The following USP49 variants were observed in gnomAD, a reference collection of about 807,000 sequenced individuals.
USP49 encodes the protein ubiquitin specific peptidase 49.
Under a neutral mutation model 58.6 loss-of-function variants are expected in USP49, and 24 were observed. That is an observed-to-expected ratio of 0.41 (90% CI 0.30 to 0.58). USP49 has a LOEUF of 0.58. Ranked by LOEUF, USP49 falls within the 20% of genes least tolerant of loss-of-function variation. The pLI is 0.30. For missense variants in USP49, 703 were observed against 866.1 expected (o/e 0.81, Z 2.36); for synonymous variants, 408 against 365.1 (o/e 1.12, Z -1.34).
At chr6:41,864,726 T>C (rs1774280736) in intron 3 of USP49, among the ~76,000 whole-genome samples, 1 of 152,192 alleles carries the variant, frequency 6.6e-6, no homozygotes, top group Non-Finnish European at 1.5e-5. Flanking sequence ...TCTTTTTCCA[T>C]TAATATTCTA....
intron 2 of USP49, among the ~76,000 whole-genome samples, chr6:41,875,247 G>A (rs1014409254): frequency 6.6e-6 from 1 of 151,640 alleles, no homozygotes; most frequent in African/African-American, 2.4e-5. Context: ...TATTTTATAT[G>A]TTTTAAAGTT....
chr6:41,823,965 C>G (rs1773494577), intron 3 of USP49, among the ~76,000 whole-genome samples: 1 of 152,142 alleles, frequency 6.6e-6, no homozygotes, highest in South Asian at 2.1e-4. Flanking sequence ...CTATAAGCCT[C>G]AGTTTCTTAC....
At chr6:41,799,465 C>A (rs1249528336) in intron 6 of USP49, among the ~76,000 whole-genome samples, 3 of 152,188 alleles carry the variant, frequency 2.0e-5, no homozygotes, top group Non-Finnish European at 4.4e-5. Context: ...CCTAAACAAG[C>A]AATTCAAGCA....
chr6:41,839,404 C>CAAAAAA lies in USP49; in HGVS notation c.-29+32154_-29+32159dup, dbSNP rs538220746. ...TGGACAATAGAGCCAGGCCTTGTCT[C>CAAAAAA]AAAAAAAAAAAAAAAAAAAAAAAAA... On this transcript the variant is annotated intron_variant, in intron 3 of 7. Transcript: ENST00000682992. 2.6e-3 allele frequency among the ~76,000 whole-genome samples: 57 copies of CAAAAAA among 22,254 alleles called. 9 individuals carry two copies. Among genetic ancestry groups the CAAAAAA allele is most frequent in the Admixed American group, 3.5e-3 (4 of 1,140 alleles). The allele number at this position is 22,254 out of a possible 152,430, so 14.6% of individuals were successfully genotyped here. A position where few individuals can be genotyped will look rare whatever the true frequency, so the allele number is the denominator to read the frequency against.
intron 7 of USP49, chr6:41,798,478 G>A (rs1226406994): frequency 1.2e-5 from 13 of 1,105,802 alleles, no homozygotes; most frequent in Non-Finnish European, 1.5e-5. Context: ...GTTTAACCAT[G>A]TTGGCCAGGC....
chr6:41,833,995 A>G (rs187466997), intron 3 of USP49, among the ~76,000 whole-genome samples: 25 of 152,364 alleles, frequency 1.6e-4, no homozygotes, highest in African/African-American at 5.3e-4. Context: ...ACTTTGTTTA[A>G]AACTTTAAAC....
chr6:41,825,565 A>T (rs17706398), intron 3 of USP49, among the ~76,000 whole-genome samples: 1 of 152,192 alleles, frequency 6.6e-6, no homozygotes, highest in Non-Finnish European at 1.5e-5. Context: ...TGAAATTATT[A>T]TATCAGTGAG....
chr6:41,821,959 C>T (rs1462651280), intron 3 of USP49, among the ~76,000 whole-genome samples: 1 of 152,098 alleles, frequency 6.6e-6, no homozygotes, highest in Non-Finnish European at 1.5e-5. Context: ...AAAATCTGGC[C>T]ACACAGATCC....
In USP49 at chr6:41,790,165, GT is replaced by G. The variant is rs1252443719; in HGVS notation, c.*6367del. 4 of 152,196 alleles carry G rather than the reference GT, an allele frequency of 2.6e-5. No homozygotes were observed. Among genetic ancestry groups the G allele is most frequent in the African/African-American group, 9.7e-5 (4 of 41,440 alleles). 9.4% of individuals were successfully genotyped at this position (152,196 alleles called of 1,614,324 possible). ...ATATTAGGGGAAGAAGCCATTTGGT[GT>G]TGCATAGCATTTTAGTGCACCAGAT... On this transcript the variant is annotated 3_prime_UTR_variant, in exon 8 of 8. Coordinates refer to ENST00000682992, the MANE Select transcript of USP49 (RefSeq NM_001286554.2).
At chr6:41,839,647 T>C (rs2127346088) in intron 3 of USP49, among the ~76,000 whole-genome samples, 1 of 152,184 alleles carries the variant, frequency 6.6e-6, no homozygotes, top group East Asian at 1.9e-4. Context: ...ATATATACCA[T>C]GGACTACTAC....
chr6:41,833,961 A>G (rs1773680254), intron 3 of USP49, among the ~76,000 whole-genome samples: 1 of 152,248 alleles, frequency 6.6e-6, no homozygotes, highest in Non-Finnish European at 1.5e-5. Context: ...ACTAGAAAAC[A>G]TGTTGAGTAT....
intron 7 of USP49, 172 bp downstream of exon 7, chr6:41,798,552 A>G (rs1374234837): frequency 6.6e-7 from 1 of 1,521,398 alleles, no homozygotes; most frequent in Admixed American, 2.0e-5. Flanking sequence ...CTAGGATTAC[A>G]GGTGTGAGCC....
At chr6:41,866,449 G>C (rs988968340) in intron 3 of USP49, among the ~76,000 whole-genome samples, 3 of 152,134 alleles carry the variant, frequency 2.0e-5, no homozygotes, top group African/African-American at 7.2e-5. Context: ...GAACACAGTG[G>C]GTGTTCAGTT....
In USP49 at chr6:41,791,311, A is replaced by G. The variant is rs991945420; in HGVS notation, c.*5222T>C. 1.3e-5 allele frequency: 2 copies of G among 152,176 alleles called. No homozygotes were observed. Among genetic ancestry groups the G allele is most frequent in the Non-Finnish European group, 2.9e-5 (2 of 68,030 alleles). 9.4% of individuals were successfully genotyped at this position (152,176 alleles called of 1,614,324 possible). A position where few individuals can be genotyped will look rare whatever the true frequency, so the allele number is the denominator to read the frequency against. Reference sequence around the variant, plus strand: ...ACATTTTTGAAAAGATTTCAAATCTATGTTTCCCAGGCTGGTCTTGAGCTC... The same window carrying G: ...ACATTTTTGAAAAGATTTCAAATCTGTGTTTCCCAGGCTGGTCTTGAGCTC... On this transcript the variant is annotated 3_prime_UTR_variant, in exon 8 of 8. Transcript: ENST00000682992.
Position 41,806,296 on chromosome 6 carries a change from G to T in USP49, c.688C>A (p.Pro230Thr), listed in dbSNP as rs1561904160. ...GPAASRPAALPTSRRVPAATL... is the reference protein window; with the variant it reads ...GPAASRPAALTTSRRVPAATL... ...GCGGCGGGCACTCTGCGTGAGGTAG[G>T]GAGGGCGGCGGGGCGCGAGGCAGCC... Residue 230 changes from proline (P) to threonine (T), a missense_variant, in exon 4 of 8, where the codon CCT becomes ACT. Coordinates refer to ENST00000682992, the MANE Select transcript of USP49 (RefSeq NM_001286554.2). The surrounding 1 kb of genome is among the most constrained non-coding windows in gnomAD (Gnocchi z 5.9). 1 of 1,592,816 alleles carries T rather than the reference G, an allele frequency of 6.3e-7. No individual in the cohort carries two copies. Among genetic ancestry groups the T allele is most frequent in the African/African-American group, 1.3e-5 (1 of 74,720 alleles).
intron 2 of USP49, among the ~76,000 whole-genome samples, chr6:41,880,237 G>C (rs576245044): frequency 6.6e-6 from 1 of 151,938 alleles, no homozygotes; most frequent in East Asian, 1.9e-4. Flanking sequence ...CCAGAAAGTA[G>C]AATAAAGAGA....
chr6:41,808,603 G>A (rs942097892), intron 3 of USP49, among the ~76,000 whole-genome samples: 1 of 151,854 alleles, frequency 6.6e-6, no homozygotes, highest in Non-Finnish European at 1.5e-5. Flanking sequence ...GTAGAGACAG[G>A]GTTTCACCAT....
chr6:41,869,043 C>A (rs1399659104), intron 3 of USP49: 1 of 150,600 alleles, frequency 6.6e-6, no homozygotes, highest in Non-Finnish European at 1.5e-5. Context: ...GGATTACAGG[C>A]GTAAGCCACC....
At chr6:41,885,284 T>C (rs1774689216) in intron 2 of USP49, among the ~76,000 whole-genome samples, 1 of 152,194 alleles carries the variant, frequency 6.6e-6, no homozygotes, top group Admixed American at 6.5e-5. Context: ...GTCTATTCCA[T>C]ATTCCCTGGG....
Sources: allele counts gnomAD v4.1 joint callset (sites outside exome capture counted in the v4.1 genomes callset), GRCh38; gene constraint gnomAD v4.1.1; non-coding constraint Gnocchi (gnomAD v3.1); transcripts MANE v1.5; gene names NCBI Gene and HGNC (gene_info 2026-07-23, HGNC 2026-07-21).